Variants in GRIP1 observed in about 807,000 individuals in gnomAD.
The protein encoded by GRIP1 is glutamate receptor-interacting protein 1.
In GRIP1, 45 loss-of-function variants were observed where a neutral mutation model predicts 129.9. The observed-to-expected ratio is 0.35, with a 90% CI of 0.27 to 0.44. The LOEUF is 0.44. Among genes scored for constraint, GRIP1 ranks in the 20% least tolerant of loss-of-function variants. GRIP1 has a pLI of 1.00. For synonymous variants in GRIP1, 530 were observed against 520.8 expected (o/e 1.02, Z -0.24); for missense variants, 1,196 against 1,396.8 (o/e 0.86, Z 2.29).
chr12:66,998,405 C>T (rs369783894), intron 1 of GRIP1, among the ~76,000 whole-genome samples: 1 of 145,358 alleles, frequency 6.9e-6, no homozygotes. Flanking sequence ...AGTATACTAC[C>T]CAGGTACTTT....
intron 2 of GRIP1, among the ~76,000 whole-genome samples, chr12:66,579,573 A>G (rs371168820): frequency 6.6e-6 from 1 of 152,222 alleles, no homozygotes; most frequent in Non-Finnish European, 1.5e-5. Flanking sequence ...GGAGCTGATG[A>G]AGCTGAAAGC....
intron 1 of GRIP1, among the ~76,000 whole-genome samples, chr12:66,750,162 A>G: frequency 6.6e-6 from 1 of 152,178 alleles, no homozygotes; most frequent in Non-Finnish European, 1.5e-5. Context: ...CAATACTGTC[A>G]TAACAGGAAA....
chr12:66,374,742 G>C (rs1219482205), intron 22 of GRIP1, among the ~76,000 whole-genome samples: 1 of 151,810 alleles, frequency 6.6e-6, no homozygotes, highest in Non-Finnish European at 1.5e-5. Context: ...TTTAGAAAAG[G>C]TTCTGATGGA....
At chr12:66,882,669 C>T (rs536096623) in intron 1 of GRIP1, among the ~76,000 whole-genome samples, 18 of 152,166 alleles carry the variant, frequency 1.2e-4, no homozygotes, top group East Asian at 1.9e-4. Context: ...CCATCATCAT[C>T]GTTTTATTTC....
intron 1 of GRIP1, among the ~76,000 whole-genome samples, chr12:67,049,721 A>T (rs936437209): frequency 1.3e-5 from 2 of 151,116 alleles, no homozygotes; most frequent in Admixed American, 6.6e-5. Flanking sequence ...CAGAACTTAA[A>T]GTACAATTAA....
Position 66,371,876 on chromosome 12 carries a change from G to C in GRIP1, c.2830C>G (p.Pro944Ala). Residue 944 changes from proline (P) to alanine (A), a missense_variant, in exon 23 of 25, where the codon CCT becomes GCT. By Grantham distance (27) the Pro-to-Ala change is conservative. Around this residue, in one of 5 missense-constraint regions of GRIP1, gnomAD observed 427 missense variants for 463.3 expected, o/e 0.92. Coordinates refer to ENST00000359742, the MANE Select transcript of GRIP1 (RefSeq NM_001366722.1). ...GCCTGTCGCCCCAGCTGACTGCGAG[G>C]TGTTGGAGCCTCATGATTCAAACTC... ...TMSLNHEAPT[P>A]RSQLGRQASF... The C allele has an allele frequency of 6.2e-7, 1 of 1,613,438 alleles. No individual in the cohort carries two copies. Among genetic ancestry groups the C allele is most frequent in the Non-Finnish European group, 8.5e-7 (1 of 1,179,930 alleles).
At chr12:66,691,073 C>T (rs1456211431) in intron 1 of GRIP1, among the ~76,000 whole-genome samples, 1 of 152,272 alleles carries the variant, frequency 6.6e-6, no homozygotes, top group South Asian at 2.1e-4. Context: ...CCAAGAAATA[C>T]AAGAATTAGT....
intron 1 of GRIP1, among the ~76,000 whole-genome samples, chr12:66,894,358 G>A (rs2040711494): frequency 6.6e-6 from 1 of 152,162 alleles, no homozygotes; most frequent in Non-Finnish European, 1.5e-5. Flanking sequence ...CAGCATGTGT[G>A]TCTTGTCTCT....
chr12:66,793,995 C>T (rs2038622888), intron 1 of GRIP1, among the ~76,000 whole-genome samples: 1 of 152,112 alleles, frequency 6.6e-6, no homozygotes, highest in South Asian at 2.1e-4. Context: ...GCATAATAAA[C>T]TTCGTAGCAT....
chr12:66,525,302 T>A (rs1462710057), intron 5 of GRIP1, among the ~76,000 whole-genome samples: 2 of 152,144 alleles, frequency 1.3e-5, no homozygotes, highest in African/African-American at 4.8e-5. Context: ...GCAAACCAAA[T>A]CCAGCAGCAC....
intron 1 of GRIP1, among the ~76,000 whole-genome samples, chr12:67,068,729 C>G (rs1211467077): frequency 6.7e-6 from 1 of 148,556 alleles, no homozygotes; most frequent in African/African-American, 2.5e-5. Flanking sequence ...CCGCTCGGAG[C>G]TCCACGTGCG....
At chr12:66,678,240 AAT>A in intron 1 of GRIP1, among the ~76,000 whole-genome samples, 1 of 152,160 alleles carries the variant, frequency 6.6e-6, no homozygotes, top group Non-Finnish European at 1.5e-5. Flanking sequence ...TGAAGCTGGT[AAT>A]TCTTGATGAT....
chr12:66,985,812 G>A (rs186259476), intron 1 of GRIP1, among the ~76,000 whole-genome samples: 48 of 152,248 alleles, frequency 3.2e-4, no homozygotes, highest in African/African-American at 1.1e-3. Context: ...ATGGCATGTC[G>A]TTTGTAGATC....
At chr12:66,360,317 A>G (rs140443981) in intron 23 of GRIP1, among the ~76,000 whole-genome samples, 52 of 152,266 alleles carry the variant, frequency 3.4e-4, no homozygotes, top group African/African-American at 1.2e-3. Flanking sequence ...TGGCTTTCCA[A>G]GAACATCTGC....
At chr12:66,781,052 T>G (rs2038142373) in intron 1 of GRIP1, among the ~76,000 whole-genome samples, 1 of 152,178 alleles carries the variant, frequency 6.6e-6, no homozygotes, top group South Asian at 2.1e-4. Context: ...TGTTCACCAC[T>G]GAGTTCTAGG....
intron 1 of GRIP1, among the ~76,000 whole-genome samples, chr12:66,703,740 T>C (rs1352685313): frequency 1.3e-5 from 2 of 152,078 alleles, no homozygotes; most frequent in Non-Finnish European, 2.9e-5. Flanking sequence ...ACCACAGATA[T>C]GTAAAATTAA....
chr12:66,958,907 A>G (rs1347714698), intron 1 of GRIP1, among the ~76,000 whole-genome samples: 1 of 152,204 alleles, frequency 6.6e-6, no homozygotes, highest in Non-Finnish European at 1.5e-5. Context: ...ATGAGTGCCC[A>G]GTACCCCACA....
chr12:66,372,079 C>T (rs1202113676), intron 22 of GRIP1, 152 bp from the exon 23 acceptor site: 1 of 671,152 alleles, frequency 1.5e-6, no homozygotes, highest in Non-Finnish European at 2.7e-6. Flanking sequence ...ACTAATTGAA[C>T]TATGAAAGTC....
intron 1 of GRIP1, among the ~76,000 whole-genome samples, chr12:66,930,055 C>CTTT (rs202119349): frequency 2.3e-5 from 3 of 128,772 alleles, no homozygotes; most frequent in South Asian, 2.6e-4. Context: ...CTCTCTCTCT[C>CTTT]TTTTTTTTTT....
Sources: gnomAD v4.1 joint callset for allele counts (sites outside exome capture counted in the v4.1 genomes callset) on GRCh38, gnomAD v4.1.1 for gene constraint, gnomAD v4.1.1 regional missense constraint, MANE v1.5 for transcripts, NCBI Gene and HGNC (gene_info 2026-07-23, HGNC 2026-07-21) for gene names.